The following DLG2 variants were observed in gnomAD, a reference collection of about 807,000 sequenced individuals.
DLG2 encodes the protein discs large MAGUK scaffold protein 2.
A neutral mutation model predicts 132.5 loss-of-function variants in DLG2; 45 were observed. The observed-to-expected ratio is 0.34, with a 90% CI of 0.27 to 0.44. The LOEUF (loss-of-function observed/expected upper bound fraction) is 0.44, where lower values mean the gene tolerates loss of function less well. Among genes scored for constraint, DLG2 ranks in the 20% least tolerant of loss-of-function variants. The pLI is 1.00. For synonymous variants in DLG2, 424 were observed against 419.6 expected (o/e 1.01, Z -0.13); for missense variants, 1,045 against 1,196.9 (o/e 0.87, Z 1.87).
chr11:85,521,401 C>T (rs1176532056), intron 3 of DLG2, among the ~76,000 whole-genome samples: 4 of 152,164 alleles, frequency 2.6e-5, no homozygotes, highest in African/African-American at 4.8e-5. Context: ...TGAGGCCTCC[C>T]CAGCCATGTG....
chr11:85,358,667 T>A (rs566532364), intron 3 of DLG2, among the ~76,000 whole-genome samples: 3 of 152,364 alleles, frequency 2.0e-5, no homozygotes, highest in East Asian at 3.9e-4. Context: ...TTATCAATAA[T>A]GTCTTCTGAA....
intron 8 of DLG2, among the ~76,000 whole-genome samples, chr11:84,237,222 C>G (rs144182412): frequency 6.6e-6 from 1 of 152,048 alleles, no homozygotes; most frequent in Non-Finnish European, 1.5e-5. Context: ...GCCACTGTGC[C>G]CAGCCCAGCA....
At chr11:84,950,706 T>C (rs1160558064) in intron 6 of DLG2, among the ~76,000 whole-genome samples, 1 of 151,574 alleles carries the variant, frequency 6.6e-6, no homozygotes, top group Non-Finnish European at 1.5e-5. Context: ...CATATAGTCA[T>C]AAGCACACAC....
intron 7 of DLG2, among the ~76,000 whole-genome samples, chr11:84,405,761 T>C (rs2154449627): frequency 6.6e-6 from 1 of 152,268 alleles, no homozygotes. Context: ...GTGGTGGGAA[T>C]GTTACTGAAC....
At chr11:83,668,818 A>AAC (rs10635193) in intron 18 of DLG2, among the ~76,000 whole-genome samples, 31,234 of 101,200 alleles carry the variant, frequency 0.31, 6,409 homozygotes, top group African/African-American at 0.47. Flanking sequence ...TGTGTATATA[A>AAC]ACATATATAT....
At chr11:84,134,153 G>A (rs1192747668) in intron 9 of DLG2, among the ~76,000 whole-genome samples, 1 of 152,072 alleles carries the variant, frequency 6.6e-6, no homozygotes. Context: ...GGAATGGGGT[G>A]ACTGCCTAGG....
chr11:84,625,062 G>A (rs1279093707), intron 6 of DLG2, among the ~76,000 whole-genome samples: 2 of 150,256 alleles, frequency 1.3e-5, no homozygotes, highest in Non-Finnish European at 3.0e-5. Context: ...GGGTTTCACC[G>A]TTTTAGCCGG....
intron 17 of DLG2, among the ~76,000 whole-genome samples, chr11:83,806,566 T>C (rs1026117137): frequency 6.6e-6 from 1 of 152,198 alleles, no homozygotes; most frequent in African/African-American, 2.4e-5. Context: ...TTGCTTTCTT[T>C]TTCTATTTAC....
chr11:84,347,503 A>G (rs147813595), intron 7 of DLG2, among the ~76,000 whole-genome samples: 372 of 152,304 alleles, frequency 2.4e-3, no homozygotes, highest in Admixed American at 0.01. Context: ...GAAAAGCAGA[A>G]TGTTTTTGAT....
chr11:83,499,854 T>TAG, intron 21 of DLG2, among the ~76,000 whole-genome samples: 1 of 24,426 alleles, frequency 4.1e-5, no homozygotes, highest in East Asian at 8.4e-4. Flanking sequence ...TAATAGGAGA[T>TAG]ATATATATAT....
chr11:85,184,672 T>G (rs889240266), intron 4 of DLG2, among the ~76,000 whole-genome samples: 1 of 151,918 alleles, frequency 6.6e-6, no homozygotes, highest in Non-Finnish European at 1.5e-5. Context: ...GGTAATACTA[T>G]TAGGGCATAA....
chr11:84,501,599 G>A (rs1029773211), intron 7 of DLG2, among the ~76,000 whole-genome samples: 1 of 152,014 alleles, frequency 6.6e-6, no homozygotes, highest in African/African-American at 2.4e-5. Context: ...TACCCATTAT[G>A]GAATTAGAAT....
chr11:84,869,035 G>T (rs767446736), intron 6 of DLG2, among the ~76,000 whole-genome samples: 78 of 152,148 alleles, frequency 5.1e-4, no homozygotes, highest in Non-Finnish European at 8.5e-4. Context: ...TCTAACAAAT[G>T]TTATCAATTA....
At chr11:85,433,813 T>A (rs1466046368) in intron 3 of DLG2, among the ~76,000 whole-genome samples, 1 of 152,124 alleles carries the variant, frequency 6.6e-6, no homozygotes, top group African/African-American at 2.4e-5. Flanking sequence ...CTGGATCAAG[T>A]GGACCTAATA....
chr11:83,921,550 C>T (rs1473341716), intron 15 of DLG2, among the ~76,000 whole-genome samples: 1 of 152,156 alleles, frequency 6.6e-6, no homozygotes, highest in Non-Finnish European at 1.5e-5. Context: ...GCACCCAATA[C>T]ACATCAGTGG....
intron 11 of DLG2, among the ~76,000 whole-genome samples, chr11:84,052,917 T>C (rs1181269720): frequency 6.6e-6 from 1 of 152,076 alleles, no homozygotes; most frequent in East Asian, 1.9e-4. Context: ...CCACAGGGTA[T>C]ATACCCAAAG....
chr11:85,584,954 C>T (rs1254444482), intron 3 of DLG2, among the ~76,000 whole-genome samples: 1 of 152,154 alleles, frequency 6.6e-6, no homozygotes, highest in Non-Finnish European at 1.5e-5. Context: ...TGTGGGTTGT[C>T]TGTTTACTCT....
chr11:85,618,171 C>G (rs750328326), intron 2 of DLG2, among the ~76,000 whole-genome samples: 33 of 152,036 alleles, frequency 2.2e-4, no homozygotes, highest in Non-Finnish European at 4.4e-4. Context: ...CCTTTGCTGA[C>G]AAAGCAACCT....
rs189947600 is a variant in DLG2, at chr11:84,601,790, G to T, written c.358-67059C>A. Among the ~76,000 whole-genome samples, 5 of 151,948 alleles carry T rather than the reference G, an allele frequency of 3.3e-5. 1 individual carries two copies. Among genetic ancestry groups the T allele is most frequent in the Admixed American group, 2.6e-4 (4 of 15,266 alleles). On this transcript the variant is annotated intron_variant, in intron 6 of 27. Coordinates refer to ENST00000376104, the MANE Select transcript of DLG2 (RefSeq NM_001142699.3). ...TTTACAAATTTTCTTGAATAATCAT[G>T]ACTATAGATAGAATATTGGGAGAAC...
Sources: gnomAD v4.1 joint callset for allele counts (sites outside exome capture counted in the v4.1 genomes callset) on GRCh38, gnomAD v4.1.1 for gene constraint, MANE v1.5 for transcripts, NCBI Gene and HGNC (gene_info 2026-07-23, HGNC 2026-07-21) for gene names.